Variants in ZNF69 observed in about 807,000 individuals in gnomAD.
ZNF69 encodes the protein zinc finger protein 69, also known as ZNF3.
In ZNF69, 47 loss-of-function variants were observed where a neutral mutation model predicts 50.9. That is an observed-to-expected ratio of 0.92 (90% CI 0.73 to 1.18). The LOEUF (loss-of-function observed/expected upper bound fraction) is 1.18. Among genes scored for constraint, ZNF69 ranks in the 50% most tolerant of loss-of-function variants. The pLI, the probability that ZNF69 is intolerant of heterozygous loss-of-function variation, is 0.00. For missense variants in ZNF69, 717 were observed against 675.1 expected (o/e 1.06, Z -0.69); for synonymous variants, 216 against 223.1 (o/e 0.97, Z 0.29).
the ZNF69 span, among the ~76,000 whole-genome samples, chr19:11,933,692 T>A: frequency 6.8e-6 from 1 of 148,022 alleles, no homozygotes; most frequent in East Asian, 1.9e-4. Flanking sequence ...TCGATACCTT[T>A]GTTGCTTGAC....
chr19:11,944,902 T>G, the ZNF69 span, among the ~76,000 whole-genome samples: 5 of 152,240 alleles, frequency 3.3e-5, no homozygotes, highest in African/African-American at 1.2e-4. Flanking sequence ...GCACAGCCAG[T>G]ATGACTGTGG....
At chr19:11,936,035 A>G in the ZNF69 span, among the ~76,000 whole-genome samples, 1 of 152,086 alleles carries the variant, frequency 6.6e-6, no homozygotes, top group South Asian at 2.1e-4. Context: ...AAGGACATGA[A>G]CTCATCCTTT....
chr19:11,919,652 C>G, the ZNF69 span, among the ~76,000 whole-genome samples: 4 of 152,014 alleles, frequency 2.6e-5, no homozygotes, highest in African/African-American at 9.7e-5. Flanking sequence ...GGACACGAAC[C>G]CTTTAGGAGA....
At chr19:11,979,102 CCTT>C in the ZNF69 span, 3 of 1,613,732 alleles carry the variant, frequency 1.9e-6, no homozygotes, top group African/African-American at 4.0e-5. Context: ...TGGAGAAAGA[CCTT>C]ATAAATGTTA....
chr19:11,974,646 A>G, the ZNF69 span, among the ~76,000 whole-genome samples: 1 of 151,896 alleles, frequency 6.6e-6, no homozygotes, highest in Non-Finnish European at 1.5e-5. Flanking sequence ...TCTGTCGCCC[A>G]GGCTGGAGTG....
chr19:11,898,352 G>T (rs894234935), intron 1 of ZNF69, among the ~76,000 whole-genome samples: 5 of 147,580 alleles, frequency 3.4e-5, no homozygotes, highest in African/African-American at 1.3e-4. Context: ...CAGAGTTCCC[G>T]CAGTTTTCTT....
At chr19:11,975,113 G>A in the ZNF69 span, among the ~76,000 whole-genome samples, 7 of 145,984 alleles carry the variant, frequency 4.8e-5, no homozygotes, top group African/African-American at 1.0e-4. Context: ...TTTTTTTCTC[G>A]TTGAGACTGA....
At chr19:11,948,327 A>G in the ZNF69 span, 1 of 1,613,842 alleles carries the variant, frequency 6.2e-7, no homozygotes, top group Non-Finnish European at 8.5e-7. Flanking sequence ...GTCATTGTGG[A>G]GAAACTTTTA....
chr19:11,951,429 C>T, the ZNF69 span, among the ~76,000 whole-genome samples: 1 of 151,910 alleles, frequency 6.6e-6, no homozygotes, highest in African/African-American at 2.4e-5. Flanking sequence ...TGGGATTTCA[C>T]CATATTAGCC....
the ZNF69 span, chr19:11,949,643 A>T: frequency 1.2e-6 from 2 of 1,613,952 alleles, no homozygotes; most frequent in South Asian, 2.2e-5. Flanking sequence ...GAATGCAACC[A>T]ATGTGGTAAA....
chr19:11,918,934 C>T (rs1313837753), downstream of ZNF69, among the ~76,000 whole-genome samples: 8 of 144,690 alleles, frequency 5.5e-5, no homozygotes, highest in South Asian at 2.2e-4. Context: ...CTCGCTGTGT[C>T]GCCCAGGCTG....
the ZNF69 span, among the ~76,000 whole-genome samples, chr19:11,960,585 C>G: frequency 6.6e-6 from 1 of 150,482 alleles, no homozygotes; most frequent in South Asian, 2.1e-4. Flanking sequence ...TGATCCACCA[C>G]GCTCAGCAAT....
At chr19:11,959,920 A>T in the ZNF69 span, among the ~76,000 whole-genome samples, 1 of 151,798 alleles carries the variant, frequency 6.6e-6, no homozygotes, top group Non-Finnish European at 1.5e-5. Flanking sequence ...CTGTAAGATT[A>T]TGTATTTTTT....
At chr19:11,973,583 A>G in the ZNF69 span, among the ~76,000 whole-genome samples, 38 of 152,114 alleles carry the variant, frequency 2.5e-4, no homozygotes, top group Middle Eastern at 3.4e-3. Context: ...TTATTCACCT[A>G]TTGAAAGGCT....
the ZNF69 span, among the ~76,000 whole-genome samples, chr19:11,972,821 G>A: frequency 1.3e-5 from 2 of 151,922 alleles, no homozygotes; most frequent in East Asian, 3.9e-4. Context: ...GCCAGATGCT[G>A]TGCCTCATAC....
chr19:11,913,641 G>A (rs888751435), exon 5 of ZNF69: 8 of 289,030 alleles, frequency 2.8e-5, no homozygotes, highest in African/African-American at 1.3e-4. Flanking sequence ...CGCCTGCCTC[G>A]GCCTCCCAAA....
chr19:11,973,717 A>C, the ZNF69 span, among the ~76,000 whole-genome samples: 2 of 142,564 alleles, frequency 1.4e-5, no homozygotes, highest in Non-Finnish European at 3.1e-5. Flanking sequence ...GACCTTGTTA[A>C]TTTTTTTTTT....
the ZNF69 span, among the ~76,000 whole-genome samples, chr19:11,952,160 CAA>C: frequency 2.0e-5 from 3 of 151,232 alleles, no homozygotes; most frequent in African/African-American, 7.4e-5. Context: ...GCATGGGCAA[CAA>C]GAGTGAAACT....
At chr19:11,931,282 C>T in the ZNF69 span, among the ~76,000 whole-genome samples, 262 of 147,932 alleles carry the variant, frequency 1.8e-3, 6 homozygotes, top group South Asian at 0.011. Flanking sequence ...CAGCAAGGGC[C>T]CGCTTCCTGG....
Sources: allele counts gnomAD v4.1 joint callset (sites outside exome capture counted in the v4.1 genomes callset), GRCh38; gene constraint gnomAD v4.1.1; transcripts MANE v1.5; gene names NCBI Gene and HGNC (gene_info 2026-07-23, HGNC 2026-07-21).